The following BPTF variants were observed in gnomAD, a reference collection of about 807,000 sequenced individuals.
BPTF encodes the protein nucleosome-remodeling factor subunit BPTF.
A neutral mutation model predicts 292.5 loss-of-function variants in BPTF; 18 were observed. The observed-to-expected ratio is 0.06, with a 90% CI of 0.04 to 0.09. The LOEUF (loss-of-function observed/expected upper bound fraction) is 0.09. Among genes scored for constraint, BPTF ranks in the 10% least tolerant of loss-of-function variants. BPTF has a pLI of 1.00. For missense variants in BPTF, 2,726 were observed against 3,498.7 expected (o/e 0.78, Z 5.57); for synonymous variants, 1,225 against 1,251.9 (o/e 0.98, Z 0.45).
chr17:67,851,333 G>A (rs1411971594), intron 1 of BPTF, among the ~76,000 whole-genome samples: 1 of 146,900 alleles, frequency 6.8e-6, no homozygotes, highest in Non-Finnish European at 1.5e-5. Flanking sequence ...AGATTTCTCT[G>A]AAACAGTGCT....
intron 1 of BPTF, among the ~76,000 whole-genome samples, chr17:67,833,094 G>A (rs769020340): frequency 9.9e-5 from 15 of 151,836 alleles, no homozygotes; most frequent in Non-Finnish European, 1.6e-4. Context: ...ACTGCGCCCC[G>A]CCTGATTTGC....
At chr17:67,959,357 T>A (rs2067246528) in intron 23 of BPTF, among the ~76,000 whole-genome samples, 184 bp from the exon 24 acceptor site, 1 of 152,232 alleles carries the variant, frequency 6.6e-6, no homozygotes, top group South Asian at 2.1e-4. Context: ...CTTCATTTTG[T>A]TTCTAGTTGT....
At chr17:67,932,802 A>G (rs1296359752) in intron 18 of BPTF, among the ~76,000 whole-genome samples, 1 of 152,184 alleles carries the variant, frequency 6.6e-6, no homozygotes, top group Non-Finnish European at 1.5e-5. Flanking sequence ...GCTACAAAAG[A>G]TAAAAAAACT....
At chr17:67,941,558 A>G in intron 19 of BPTF, among the ~76,000 whole-genome samples, 1 of 152,374 alleles carries the variant, frequency 6.6e-6, no homozygotes, top group African/African-American at 2.4e-5. Flanking sequence ...AGTGCAGAAC[A>G]TGAACCCCAT....
chr17:67,840,104 A>ATTTTTT (rs113437066), intron 1 of BPTF, among the ~76,000 whole-genome samples: 1 of 139,230 alleles, frequency 7.2e-6, no homozygotes. Context: ...AAAAATACTG[A>ATTTTTT]TTTTTTTTTT....
chr17:67,888,310 C>T (rs541732146), intron 4 of BPTF, among the ~76,000 whole-genome samples: 26 of 152,050 alleles, frequency 1.7e-4, no homozygotes, highest in Non-Finnish European at 2.4e-4. Context: ...AGATCTGGGC[C>T]GGGCTCGGTG....
intron 1 of BPTF, among the ~76,000 whole-genome samples, chr17:67,845,109 G>A (rs981477040): frequency 4.6e-5 from 7 of 151,978 alleles, no homozygotes; most frequent in East Asian, 1.9e-4. Flanking sequence ...ATAAGTGCAC[G>A]TCTCCTCCTC....
rs1598101249 is a variant in BPTF at position 67,832,623 on chromosome 17, A to G, written c.613+6286A>G. ...TATAATTTAGTGGTTTTTTTAGTAT[A>G]TTGACAGAGTTGTGCAACCATTAAC... is the stretch of plus-strand genomic sequence containing the variant. On this transcript the variant is annotated intron_variant, in intron 1 of 27. Transcript: ENST00000306378. Among the ~76,000 whole-genome samples, 7 of 151,876 alleles carry G rather than the reference A, an allele frequency of 4.6e-5. No homozygotes were observed. In the South Asian group the frequency reaches 1.5e-3, roughly 32 times the overall value.
At chr17:67,967,596 G>A (rs1398260077) in intron 26 of BPTF, among the ~76,000 whole-genome samples, 1 of 152,036 alleles carries the variant, frequency 6.6e-6, no homozygotes, top group Non-Finnish European at 1.5e-5. Flanking sequence ...CAAGGTGGAT[G>A]GATCACCTGA....
chr17:67,980,547 G>A (rs1555696278), intron 27 of BPTF, among the ~76,000 whole-genome samples: 1 of 152,168 alleles, frequency 6.6e-6, no homozygotes, highest in African/African-American at 2.4e-5. Context: ...GCCTTTGGTG[G>A]TAACTGTGAG....
Position 67,982,428 on chromosome 17 carries a change from C to T in BPTF, c.*140C>T, listed in dbSNP as rs782545968. 61 of 653,544 alleles carry T rather than the reference C, an allele frequency of 9.3e-5. No individual in the cohort carries two copies. Among genetic ancestry groups the T allele is most frequent in the Non-Finnish European group, 1.1e-4 (47 of 412,394 alleles). 40.5% of individuals were successfully genotyped at this position (653,544 alleles called of 1,614,324 possible). On this transcript the variant is annotated 3_prime_UTR_variant, in exon 28 of 28. Transcript: ENST00000306378. ...CTTCGTTTTTATTGGTCATAACAGTCCAATTATATTCTTGGCCAATTTTGT... is the reference window on the plus strand; with the variant it reads ...CTTCGTTTTTATTGGTCATAACAGTTCAATTATATTCTTGGCCAATTTTGT...
Position 67,906,758 on chromosome 17 carries a change from C to T in BPTF, c.2812+1918C>T, listed in dbSNP as rs576457863. ...TTTTCTCACACCAGTATCTTGCTCG[C>T]GACAGAATTATGATTTCTTTGCACT... On this transcript the variant is annotated intron_variant, in intron 9 of 27. Coordinates refer to ENST00000306378, the MANE Select transcript of BPTF (RefSeq NM_182641.4). 7.2e-5 allele frequency among the ~76,000 whole-genome samples: 11 copies of T among 151,904 alleles called. 1 individual carries two copies. In the South Asian group the frequency reaches 1.2e-3, roughly 17 times the overall value.
intron 1 of BPTF, among the ~76,000 whole-genome samples, chr17:67,845,374 T>A (rs1382633565): frequency 3.9e-5 from 6 of 152,202 alleles, no homozygotes; most frequent in African/African-American, 1.4e-4. Context: ...TCTATTTCTA[T>A]CATTTCTTTG....
chr17:67,971,128 G>T (rs2068711957), intron 26 of BPTF, among the ~76,000 whole-genome samples: 1 of 152,126 alleles, frequency 6.6e-6, no homozygotes, highest in African/African-American at 2.4e-5. Flanking sequence ...GCCCAGGCTG[G>T]AGTGCAGTGG....
At chr17:67,855,967 T>G (rs2058667579) in intron 2 of BPTF, among the ~76,000 whole-genome samples, 1 of 152,200 alleles carries the variant, frequency 6.6e-6, no homozygotes, top group African/African-American at 2.4e-5. Flanking sequence ...GATACGCCCT[T>G]GTGTGGGCTG....
chr17:67,929,160 C>G (rs1240904955), intron 16 of BPTF, 176 bp from the exon 17 acceptor site: 1 of 1,381,620 alleles, frequency 7.2e-7, no homozygotes, highest in Non-Finnish European at 9.4e-7. Context: ...TTTGCCAGAT[C>G]ATACTGTTGC....
intron 2 of BPTF, among the ~76,000 whole-genome samples, chr17:67,864,776 C>G (rs371578481): frequency 6.6e-6 from 1 of 151,870 alleles, no homozygotes; most frequent in African/African-American, 2.4e-5. Flanking sequence ...TTGCATTATA[C>G]TTACCAGTTG....
At chr17:67,896,233 A>G (rs1357541052) in intron 7 of BPTF, among the ~76,000 whole-genome samples, 1 of 152,222 alleles carries the variant, frequency 6.6e-6, no homozygotes, top group Non-Finnish European at 1.5e-5. Flanking sequence ...AAGTGCTGGG[A>G]TTACAGGCAT....
intron 23 of BPTF, 54 bp downstream of exon 23, chr17:67,948,360 G>T (rs1244966857): frequency 3.4e-6 from 5 of 1,472,006 alleles, no homozygotes; most frequent in Non-Finnish European, 4.6e-6. Flanking sequence ...CTGAGGTTCT[G>T]CTTTTTTCCC....
Sources: allele counts gnomAD v4.1 joint callset (sites outside exome capture counted in the v4.1 genomes callset), GRCh38; gene constraint gnomAD v4.1.1; transcripts MANE v1.5; gene names NCBI Gene and HGNC (gene_info 2026-07-23, HGNC 2026-07-21).